The following STOM variants were observed in gnomAD, a reference collection of about 807,000 sequenced individuals.
The protein encoded by STOM is erythrocyte band 7 integral membrane protein.
In STOM, 25 loss-of-function variants were observed where a neutral mutation model predicts 30.6. The observed-to-expected ratio is 0.82, with a 90% CI of 0.60 to 1.14. The LOEUF is 1.14. Among genes scored for constraint, STOM ranks in the 50% most tolerant of loss-of-function variants. The probability of loss-of-function intolerance (pLI) is 0.00; values close to 1 mark genes in which losing one functional copy is unlikely to be tolerated. For synonymous variants in STOM, 118 were observed against 130.8 expected (o/e 0.90, Z 0.67); for missense variants, 292 against 365.2 (o/e 0.80, Z 1.63).
intron 1 of STOM, chr9:121,366,123 C>T (rs924740083): frequency 9.2e-5 from 91 of 985,112 alleles, no homozygotes; most frequent in Admixed American, 2.5e-4. Flanking sequence ...TACCATAGTG[C>T]TCACTTTAAC....
Position 121,349,130 on chromosome 9 carries a change from T to A in STOM, c.515A>T (p.His172Leu), listed in dbSNP as rs928051850. ...TGACGTACTCCCCACCTGCATGTTG[T>A]GTGCAATTTCTTCTCTGTCAGAGAG... ...QILSDREEIAHNMQSTLDDAT... is the reference protein window; with the variant it reads ...QILSDREEIALNMQSTLDDAT... Residue 172 changes from histidine (H) to leucine (L), a missense_variant, in exon 5 of 7, where the codon CAC (histidine) becomes CTC (leucine). His to Leu is a moderately conservative substitution (Grantham distance 99). Transcript: ENST00000286713. The A allele has an allele frequency of 1.2e-6, 2 of 1,614,168 alleles. No homozygotes were observed. The highest frequency in any genetic ancestry group is 1.3e-5 in the African/African-American group (1 of 75,064).
Position 121,370,118 on chromosome 9 carries a change from GGGACTCA to G in STOM, c.61+2_61+8del, listed in dbSNP as rs1420565605. 1 of 1,539,162 alleles carries G rather than the reference GGGACTCA, an allele frequency of 6.5e-7. No individual in the cohort carries two copies. The highest frequency in any genetic ancestry group is 1.4e-5 in the African/African-American group (1 of 72,926). On this transcript the variant is annotated splice_donor_variant and splice_donor_5th_base_variant and intron_variant, in intron 1 of 6. Coordinates refer to ENST00000286713, the MANE Select transcript of STOM (RefSeq NM_004099.6). LOFTEE classifies it high-confidence loss of function. ...TCCACGGGGGAGGGTCAGGGGACGC[GGGACTCA>G]CCCTTGAAGGAGTCGGGGAGCCGCT...
chr9:121,341,136 C>T lies in STOM; in HGVS notation c.*66G>A. Reference sequence around the variant, plus strand: ...TGGAAAAAGAAAAGCCCTACCCTCTCTTTATGAGTTAAAGGCTAATTTGGT... The same window carrying T: ...TGGAAAAAGAAAAGCCCTACCCTCTTTTTATGAGTTAAAGGCTAATTTGGT... On this transcript the variant is annotated 3_prime_UTR_variant, in exon 7 of 7. Transcript: ENST00000286713. 1 of 1,607,662 alleles carries T rather than the reference C, an allele frequency of 6.2e-7. No homozygotes were observed. Among genetic ancestry groups the T allele is most frequent in the Non-Finnish European group, 8.5e-7 (1 of 1,175,484 alleles).
At chr9:121,370,097 CG>C in intron 1 of STOM, 29 bp downstream of exon 1, 3 of 1,527,804 alleles carry the variant, frequency 2.0e-6, no homozygotes, top group Non-Finnish European at 1.8e-6. Context: ...GCTCGGTCCA[CG>C]GGGGAGGGTC....
At chr9:121,359,102 G>A (rs1408001032) in intron 1 of STOM, among the ~76,000 whole-genome samples, 1 of 152,196 alleles carries the variant, frequency 6.6e-6, no homozygotes. Context: ...GGCTTCTGCT[G>A]TATTTTCAGG....
In STOM at chr9:121,341,676, A is replaced by T. The variant is rs891801779; in HGVS notation, c.661-268T>A. Reference sequence around the variant, plus strand: ...TTCCAGGGTAACAAACAAAGGGATAATTCAAAATACTGTGCAGGATTGAGA... The same window carrying T: ...TTCCAGGGTAACAAACAAAGGGATATTTCAAAATACTGTGCAGGATTGAGA... On this transcript the variant is annotated intron_variant, in intron 6 of 6. Transcript: ENST00000286713. 2.0e-5 allele frequency among the ~76,000 whole-genome samples: 3 copies of T among 152,244 alleles called. No individual in the cohort carries two copies. The South Asian group carries it at 6.2e-4, about 31-fold the overall frequency.
At chr9:121,367,034 T>C (rs886507377) in intron 1 of STOM, among the ~76,000 whole-genome samples, 14 of 151,852 alleles carry the variant, frequency 9.2e-5, no homozygotes, top group African/African-American at 3.4e-4. Flanking sequence ...GACTGCACCA[T>C]TGCACTCCAG....
At position 121,341,129 on chromosome 9, in the gene STOM, A is replaced by C; in HGVS notation, c.*73T>G. 3.1e-6 allele frequency: 5 copies of C among 1,602,958 alleles called. No homozygotes were observed. The highest frequency in any genetic ancestry group is 4.3e-6 in the Non-Finnish European group (5 of 1,172,700). On this transcript the variant is annotated 3_prime_UTR_variant, in exon 7 of 7. Coordinates refer to ENST00000286713, the MANE Select transcript of STOM (RefSeq NM_004099.6). ...TGACATATGGAAAAAGAAAAGCCCTACCCTCTCTTTATGAGTTAAAGGCTA... is the reference window on the plus strand; with the variant it reads ...TGACATATGGAAAAAGAAAAGCCCTCCCCTCTCTTTATGAGTTAAAGGCTA...
chr9:121,355,243 A>AT (rs1173757826), intron 2 of STOM, among the ~76,000 whole-genome samples: 16 of 148,314 alleles, frequency 1.1e-4, no homozygotes, highest in African/African-American at 3.9e-4. Context: ...AAAAAAAAAA[A>AT]AAAAAAATAA....
Position 121,370,128 on chromosome 9 carries a change from C to A in STOM, c.60G>T (p.Lys20Asn), listed in dbSNP as rs1370709778. ...AGGGTCAGGGGACGCGGGACTCACC[C>A]TTGAAGGAGTCGGGGAGCCGCTGGG... The part of the protein sequence containing the change: ...SEAQRLPDSF[K>N]DSPSKGLGPC... Residue 20 changes from lysine to asparagine, a missense_variant and splice_region_variant, in exon 1 of 7, where the codon AAG becomes AAT. By Grantham distance (94) the Lys-to-Asn change is moderately conservative. Coordinates refer to ENST00000286713, the MANE Select transcript of STOM (RefSeq NM_004099.6). 3.9e-6 allele frequency: 6 copies of A among 1,544,640 alleles called. No homozygotes were observed. Among genetic ancestry groups the A allele is most frequent in the African/African-American group, 1.4e-5 (1 of 73,130 alleles).
rs2064226641 is a variant in STOM, at chr9:121,339,378, A to G, written c.*1824T>C. On this transcript the variant is annotated 3_prime_UTR_variant, in exon 7 of 7. Coordinates refer to ENST00000286713, the MANE Select transcript of STOM (RefSeq NM_004099.6). Reference sequence around the variant, plus strand: ...ACCACTTCACACAACAGATAAAACCATCATTTTAAAATTCAAAATGTAAGT... The same window carrying G: ...ACCACTTCACACAACAGATAAAACCGTCATTTTAAAATTCAAAATGTAAGT... 1 of 421,122 alleles carries G rather than the reference A, an allele frequency of 2.4e-6. No individual in the cohort carries two copies. The highest frequency in any genetic ancestry group is 3.7e-6 in the Non-Finnish European group (1 of 268,164). 26.1% of individuals were successfully genotyped at this position (421,122 alleles called of 1,614,324 possible).
intron 2 of STOM, 38 bp from the exon 3 acceptor site, chr9:121,354,711 G>C: frequency 6.8e-7 from 1 of 1,478,012 alleles, no homozygotes. Flanking sequence ...AACATGAAGA[G>C]TACAAATATA....
intron 3 of STOM, among the ~76,000 whole-genome samples, chr9:121,353,923 C>G (rs1175491668): frequency 1.3e-5 from 2 of 152,204 alleles, no homozygotes; most frequent in Admixed American, 1.3e-4. Context: ...AGATCAGTAA[C>G]ACTTCTCTGG....
chr9:121,353,352 C>T (rs1178129684), intron 3 of STOM, 50 bp from the exon 4 acceptor site: 3 of 1,264,790 alleles, frequency 2.4e-6, no homozygotes, highest in Admixed American at 4.4e-5. Context: ...CTAATCAGTT[C>T]ACTTCTCCAT....
At chr9:121,349,374 A>AT (rs2064319061) in intron 4 of STOM, 51 bp from the exon 5 acceptor site, 1 of 1,516,618 alleles carries the variant, frequency 6.6e-7, no homozygotes, top group South Asian at 1.1e-5. Flanking sequence ...TTTTTTTAAC[A>AT]TAACTGTAAG....
intron 6 of STOM, among the ~76,000 whole-genome samples, chr9:121,342,786 C>T (rs573862922): frequency 3.9e-5 from 6 of 152,166 alleles, no homozygotes; most frequent in East Asian, 3.9e-4. Context: ...TTTTACATGC[C>T]GATTTAAAAT....
Position 121,339,524 on chromosome 9 carries a change from TC to T in STOM, c.*1677del. On this transcript the variant is annotated 3_prime_UTR_variant, in exon 7 of 7. Coordinates refer to ENST00000286713, the MANE Select transcript of STOM (RefSeq NM_004099.6). ...AAATTGGGGTACAGGGGAAGGGACATCCATTGGCTGGATGGACAGAGTGGTT... is the reference window on the plus strand; with the variant it reads ...AAATTGGGGTACAGGGGAAGGGACATCATTGGCTGGATGGACAGAGTGGTT... 1 of 1,228,862 alleles carries T rather than the reference TC, an allele frequency of 8.1e-7. No homozygotes were observed. The highest frequency in any genetic ancestry group is 4.2e-5 in the South Asian group (1 of 23,788). 76.1% of individuals were successfully genotyped at this position (1,228,862 alleles called of 1,614,324 possible). A position where few individuals can be genotyped will look rare whatever the true frequency, so the allele number is the denominator to read the frequency against.
chr9:121,354,383 G>C (rs182003431), intron 3 of STOM, among the ~76,000 whole-genome samples: 1 of 152,070 alleles, frequency 6.6e-6, no homozygotes, highest in Non-Finnish European at 1.5e-5. Context: ...GACTGGGCAC[G>C]GTGGCTCACG....
chr9:121,345,309 T>A (rs1293154917), intron 6 of STOM, among the ~76,000 whole-genome samples: 1 of 152,198 alleles, frequency 6.6e-6, no homozygotes, highest in Non-Finnish European at 1.5e-5. Context: ...AGAGTTCTAG[T>A]TCCTCTCTCA....
Sources: allele counts gnomAD v4.1 joint callset (sites outside exome capture counted in the v4.1 genomes callset), GRCh38; gene constraint gnomAD v4.1.1; transcripts MANE v1.5; gene names NCBI Gene and HGNC (gene_info 2026-07-23, HGNC 2026-07-21).